MON2: variants seen among roughly 807,000 people sequenced by gnomAD.
MON2 encodes the protein protein MON2 homolog.
A neutral mutation model predicts 208.6 loss-of-function variants in MON2; 84 were observed. The ratio of observed to expected loss-of-function variants is 0.40; its 90% CI spans 0.34 to 0.48. The LOEUF is 0.48. Among genes scored for constraint, MON2 ranks in the 20% least tolerant of loss-of-function variants. The probability of loss-of-function intolerance (pLI) is 0.59; values close to 1 mark genes in which losing one functional copy is unlikely to be tolerated. For missense variants in MON2, 1,611 were observed against 2,015.4 expected, an observed-to-expected ratio of 0.80 and a Z score of 3.84; for synonymous variants, 660 against 694.0, an observed-to-expected ratio of 0.95 and a Z score of 0.77.
rs777769540 is a variant in MON2, at chr12:62,556,190, T to C, written c.3407T>C (p.Leu1136Ser). 6.2e-7 allele frequency: 1 copy of C among 1,613,252 alleles called. No homozygotes were observed. The highest frequency in any genetic ancestry group is 1.7e-5 in the Admixed American group (1 of 59,894). The change falls in exon 25 of 35, where the codon TTA becomes TCA. Residue 1136 changes from leucine (L) to serine (S), a missense_variant and splice_region_variant. Physicochemically the swap from Leu to Ser is moderately radical, Grantham distance 145 (BLOSUM62 -2). Coordinates refer to ENST00000393630, the MANE Select transcript of MON2 (RefSeq NM_015026.3). ...FNTRRYLLQP[L>S]GDFSRAWDVL... ...ACTAGAAGATATTTGCTGCAGCCTT[T>C]AGGTATACGTACATTTTTTTCTGAT... is the stretch of plus-strand genomic sequence containing the variant.
intron 1 of MON2, among the ~76,000 whole-genome samples, chr12:62,476,055 G>T (rs1363692944): frequency 6.6e-6 from 1 of 151,918 alleles, no homozygotes; most frequent in African/African-American, 2.4e-5. Flanking sequence ...ACCTATGTGG[G>T]AATACCATGT....
chr12:62,543,133 A>G lies in MON2; in HGVS notation c.2401A>G (p.Thr801Ala), dbSNP rs145370457. The change falls in exon 20 of 35, where the codon ACT (threonine) becomes GCT (alanine). Residue 801 changes from threonine to alanine, a missense_variant. Thr to Ala is a moderately conservative substitution (Grantham distance 58). Transcript: ENST00000393630. ...TTTTGCTGTTGCCAAATTGTTAGAA[A>G]CTGGTTTAGTTAATATGCACCGAAT... ...SLFAVAKLLE[T>A]GLVNMHRIEI... The G allele has an allele frequency of 8.4e-5, 133 of 1,580,364 alleles. No individual in the cohort carries two copies. Among genetic ancestry groups the G allele is most frequent in the Non-Finnish European group, 1.1e-4 (130 of 1,167,648 alleles).
chr12:62,508,268 T>A lies in MON2; in HGVS notation c.790-18T>A. On this transcript the variant is annotated intron_variant, in intron 7 of 34. Transcript: ENST00000393630. ...ATAAAGTTAATTATTTTTTTCTTTC[T>A]TTTTTCCTTGCAAATAGCACCAAGA... The A allele has an allele frequency of 6.3e-7, 1 of 1,593,022 alleles. No individual in the cohort carries two copies. Among genetic ancestry groups the A allele is most frequent in the Non-Finnish European group, 8.6e-7 (1 of 1,167,032 alleles).
intron 21 of MON2, chr12:62,545,707 A>G (rs998470161): frequency 1.3e-5 from 2 of 151,576 alleles, no homozygotes; most frequent in Admixed American, 1.3e-4. Context: ...AACCATTCCA[A>G]TTGCCCTCAT....
chr12:62,477,828 C>T (rs756695068), intron 1 of MON2, among the ~76,000 whole-genome samples: 14 of 152,138 alleles, frequency 9.2e-5, no homozygotes, highest in South Asian at 4.1e-4. Context: ...CTCTTTCTTT[C>T]TCTAGAGCTA....
At chr12:62,472,453 A>G (rs1004677377) in intron 1 of MON2, among the ~76,000 whole-genome samples, 3 of 152,220 alleles carry the variant, frequency 2.0e-5, no homozygotes, top group African/African-American at 7.2e-5. Context: ...AAGGGTATAA[A>G]TAATTTAAAA....
intron 29 of MON2, among the ~76,000 whole-genome samples, chr12:62,567,514 C>T (rs1423354754): frequency 1.3e-5 from 2 of 152,162 alleles, no homozygotes; most frequent in East Asian, 3.9e-4. Flanking sequence ...AAGACCAAAT[C>T]TTCACATCCT....
chr12:62,546,821 A>C, intron 21 of MON2, 76 bp from the exon 22 acceptor site: 1 of 1,131,160 alleles, frequency 8.8e-7, no homozygotes, highest in Non-Finnish European at 1.2e-6. Context: ...GATGAATTTA[A>C]ACTTGAAAAG....
Position 62,543,176 on chromosome 12 carries a change from C to T in MON2, c.2444C>T (p.Pro815Leu). Residue 815 changes from proline to leucine, a missense_variant, in exon 20 of 35, where the codon CCT (proline) becomes CTT (leucine). Physicochemically the swap from Pro to Leu is moderately conservative, Grantham distance 98. Transcript: ENST00000393630. The part of the protein sequence containing the change: ...NMHRIEILWR[P>L]LTGHLLEVCQ... ...CACCGAATAGAAATTCTGTGGAGACCTCTGACTGGCCATCTACTTGAGGTA... is the reference window on the plus strand; with the variant it reads ...CACCGAATAGAAATTCTGTGGAGACTTCTGACTGGCCATCTACTTGAGGTA... The T allele has an allele frequency of 2.6e-6, 4 of 1,550,530 alleles. No individual in the cohort carries two copies. Among genetic ancestry groups the T allele is most frequent in the Non-Finnish European group, 2.6e-6 (3 of 1,152,730 alleles).
chr12:62,539,019 CA>C (rs2073111669), intron 19 of MON2, among the ~76,000 whole-genome samples: 2 of 151,956 alleles, frequency 1.3e-5, no homozygotes, highest in Non-Finnish European at 1.5e-5. Context: ...TATTAACATT[CA>C]AGAACATTTC....
At chr12:62,504,411 AT>A (rs2071001944) in intron 7 of MON2, among the ~76,000 whole-genome samples, 1 of 151,452 alleles carries the variant, frequency 6.6e-6, no homozygotes, top group South Asian at 2.1e-4. Flanking sequence ...CGCCCGGCTA[AT>A]TTTTTGTATT....
At position 62,498,985 on chromosome 12, in the gene MON2, A is replaced by G. The variant is rs754202621; in HGVS notation, c.502A>G (p.Thr168Ala). The G allele has an allele frequency of 1.2e-6, 2 of 1,613,164 alleles. No individual in the cohort carries two copies. Among genetic ancestry groups the G allele is most frequent in the Non-Finnish European group, 1.7e-6 (2 of 1,179,620 alleles). Residue 168 changes from threonine (T) to alanine (A), a missense_variant, in exon 5 of 35, where the codon ACA becomes GCA. Transcript: ENST00000393630. ...TATTACAAATAATACAGCTGCTGCT[A>G]CAGTGCGACAAGTTGTTACTGTTGT... ...DNITNNTAAATVRQVVTVVFE... is the reference protein window; with the variant it reads ...DNITNNTAAAAVRQVVTVVFE...
intron 8 of MON2, 193 bp downstream of exon 8, chr12:62,508,673 T>C: frequency 1.8e-6 from 1 of 542,450 alleles, no homozygotes; most frequent in Non-Finnish European, 3.3e-6. Flanking sequence ...TATAGAGTAT[T>C]CATAATGTGT....
intron 32 of MON2, among the ~76,000 whole-genome samples, chr12:62,583,379 T>C (rs2075073405): frequency 7.7e-6 from 1 of 130,298 alleles, no homozygotes; most frequent in South Asian, 2.4e-4. Context: ...AAACTAAAGA[T>C]GTAGAGTTCA....
intron 23 of MON2, among the ~76,000 whole-genome samples, chr12:62,550,319 A>G (rs2073685085): frequency 6.6e-6 from 1 of 152,024 alleles, no homozygotes; most frequent in Non-Finnish European, 1.5e-5. Flanking sequence ...TGCTGAGGCC[A>G]GGAGTTTGAG....
At chr12:62,479,293 A>G (rs1184324701) in intron 1 of MON2, among the ~76,000 whole-genome samples, 3 of 152,230 alleles carry the variant, frequency 2.0e-5, no homozygotes, top group Non-Finnish European at 2.9e-5. Context: ...CTGATATGAA[A>G]TGTTGTAATA....
At chr12:62,573,421 A>G (rs1354087958) in intron 30 of MON2, among the ~76,000 whole-genome samples, 8 of 150,776 alleles carry the variant, frequency 5.3e-5, no homozygotes, top group Non-Finnish European at 1.0e-4. Flanking sequence ...CAATGAGTAA[A>G]ACTTCTTTAA....
Position 62,520,162 on chromosome 12 carries a change from C to T in MON2, c.985-4353C>T, listed in dbSNP as rs192992731. On this transcript the variant is annotated intron_variant, in intron 8 of 34. Transcript: ENST00000393630. The stretch of plus-strand genomic sequence containing the variant: ...TCTGAAACGTTTTTATACTGTGTTA[C>T]AGTAAAATTCATTTCATTGGTCTTA... Among the ~76,000 whole-genome samples the T allele has an allele frequency of 9.8e-5, 15 of 152,324 alleles. No individual in the cohort carries two copies. The East Asian group carries it at 2.9e-3, about 29-fold the overall frequency.
chr12:62,518,383 A>C (rs1297027161), intron 8 of MON2, among the ~76,000 whole-genome samples: 3 of 152,248 alleles, frequency 2.0e-5, no homozygotes, highest in African/African-American at 7.2e-5. Context: ...ATAGCTGAGA[A>C]AATGAGGACC....
Sources: allele counts gnomAD v4.1 joint callset (sites outside exome capture counted in the v4.1 genomes callset), GRCh38; gene constraint gnomAD v4.1.1; transcripts MANE v1.5; gene names NCBI Gene and HGNC (gene_info 2026-07-23, HGNC 2026-07-21).